The following ACOT1 variants were observed in gnomAD, a reference collection of about 807,000 sequenced individuals.
The protein encoded by ACOT1 is acyl-CoA thioesterase 1.
Under a neutral mutation model 15.7 loss-of-function variants are expected in ACOT1, and 8 were observed. The observed-to-expected ratio is 0.51, with a 90% CI of 0.30 to 0.92. The LOEUF (loss-of-function observed/expected upper bound fraction) is 0.92. ACOT1 is among the 40% of genes least tolerant of loss of function. The pLI, the probability that ACOT1 is intolerant of heterozygous loss-of-function variation, is 0.06. For missense variants in ACOT1, 151 were observed against 539.4 expected (o/e 0.28, Z 7.13); for synonymous variants, 67 against 241.2 (o/e 0.28, Z 6.69).
chr14:73,504,076 C>CTTTTT, the ACOT1 span, among the ~76,000 whole-genome samples: 1 of 127,758 alleles, frequency 7.8e-6, no homozygotes, highest in Non-Finnish European at 1.7e-5. Flanking sequence ...TTTTGCATTT[C>CTTTTT]TTTTTTTTTT....
chr14:73,509,423 C>A, the ACOT1 span: 1 of 1,613,976 alleles, frequency 6.2e-7, no homozygotes, highest in African/African-American at 1.3e-5. Flanking sequence ...TCACAAAGAG[C>A]AGCCTCTAGG....
the ACOT1 span, chr14:73,519,310 C>T: frequency 1.5e-6 from 1 of 647,214 alleles, no homozygotes; most frequent in African/African-American, 1.8e-5. Context: ...TGGGGCATCC[C>T]TTGAAGGTGA....
the ACOT1 span, among the ~76,000 whole-genome samples, chr14:73,510,742 G>T: frequency 6.6e-6 from 1 of 152,116 alleles, no homozygotes; most frequent in South Asian, 2.1e-4. Context: ...GGCTTTGGCT[G>T]CAGTTCTTGA....
chr14:73,518,339 G>T, the ACOT1 span, among the ~76,000 whole-genome samples: 22 of 151,450 alleles, frequency 1.5e-4, no homozygotes, highest in Admixed American at 1.4e-3. Flanking sequence ...GGAAGATGGA[G>T]GTTGCAGTGA....
At chr14:73,518,418 A>G in the ACOT1 span, among the ~76,000 whole-genome samples, 1 of 152,154 alleles carries the variant, frequency 6.6e-6, no homozygotes, top group Admixed American at 6.5e-5. Context: ...AAAAGAAAAA[A>G]AAAAAAAAGG....
At chr14:73,521,265 A>C in the ACOT1 span, among the ~76,000 whole-genome samples, 1 of 152,060 alleles carries the variant, frequency 6.6e-6, no homozygotes, top group Non-Finnish European at 1.5e-5. Flanking sequence ...CTACTAAAGG[A>C]TCCATGCCTT....
chr14:73,495,061 CAAAAA>C, the ACOT1 span, among the ~76,000 whole-genome samples: 2 of 149,522 alleles, frequency 1.3e-5, no homozygotes, highest in South Asian at 4.2e-4. Flanking sequence ...AACAAACAAA[CAAAAA>C]AAAAACACAA....
the ACOT1 span, among the ~76,000 whole-genome samples, chr14:73,526,243 A>G: frequency 1.3e-5 from 2 of 152,136 alleles, no homozygotes; most frequent in African/African-American, 4.8e-5. Flanking sequence ...ACACATTTAG[A>G]TCAGCTCTGG....
the ACOT1 span, chr14:73,523,178 C>T: frequency 5.8e-6 from 9 of 1,543,772 alleles, no homozygotes; most frequent in Non-Finnish European, 7.8e-6. Context: ...ATGCTTCCTT[C>T]CACACTGCCT....
Position 73,537,743 on chromosome 14 carries a change from G to A in ACOT1, c.322G>A (p.Val108Met), listed in dbSNP as rs781438917. 5.9e-5 allele frequency: 73 copies of A among 1,244,230 alleles called. 22 individuals carry two copies. The highest frequency in any genetic ancestry group is 3.4e-4 in the Admixed American group (14 of 40,918). The allele number at this position is 1,244,230 out of a possible 1,614,324, so 77.1% of individuals were successfully genotyped here. Residue 108 changes from valine to methionine, a missense_variant, in exon 1 of 3, where the codon GTG becomes ATG. Coordinates refer to ENST00000311148, the MANE Select transcript of ACOT1 (RefSeq NM_001037161.2). ...AACGCCCTTGGCCGTGGAGCTGGAG[G>A]TGCTGGATGGCCACGACCCCGACCC... ...VRTPLAVELE[V>M]LDGHDPDPGR...
chr14:73,492,078 G>A, the ACOT1 span: 11 of 1,614,000 alleles, frequency 6.8e-6, no homozygotes, highest in Non-Finnish European at 9.3e-6. This position sits in a 1 kb window ranked among gnomAD's most constrained non-coding sequence, Gnocchi z 4.9. Context: ...CTGGAAGGTA[G>A]GAAACTCTGG....
chr14:73,506,802 C>CTTTTTTTTTTTTTTTTTTTTTTTTT, the ACOT1 span, among the ~76,000 whole-genome samples: 8 of 58,050 alleles, frequency 1.4e-4, no homozygotes, highest in African/African-American at 5.2e-4. Context: ...CTGACTTTAA[C>CTTTTTTTTTTTTTTTTTTTTTTTTT]TGTTTTTTTT....
At chr14:73,501,902 C>T in the ACOT1 span, among the ~76,000 whole-genome samples, 10 of 151,842 alleles carry the variant, frequency 6.6e-5, no homozygotes, top group Admixed American at 6.6e-4. Context: ...TACAGGCGCC[C>T]GCCACCACGC....
At chr14:73,515,514 T>C in the ACOT1 span, among the ~76,000 whole-genome samples, 1 of 151,858 alleles carries the variant, frequency 6.6e-6, no homozygotes, top group African/African-American at 2.4e-5. Flanking sequence ...ACCCTGTCTC[T>C]ACTAAAAATA....
chr14:73,534,298 G>C (rs1480714154), upstream of ACOT1, among the ~76,000 whole-genome samples: 1 of 109,546 alleles, frequency 9.1e-6, no homozygotes, highest in Non-Finnish European at 2.0e-5. Flanking sequence ...TGAATCACTG[G>C]AACCCGGGAG....
At chr14:73,495,234 A>C in the ACOT1 span, 1 of 1,613,098 alleles carries the variant, frequency 6.2e-7, no homozygotes, top group East Asian at 2.2e-5. Context: ...CTACCCTGAA[A>C]AGTTTCTTGG....
the ACOT1 span, chr14:73,491,345 C>G: frequency 6.9e-7 from 1 of 1,441,502 alleles, no homozygotes; most frequent in African/African-American, 1.5e-5. Flanking sequence ...GGAGGCCTCG[C>G]CCGCCGCGCG....
intron 1 of ACOT1, among the ~76,000 whole-genome samples, chr14:73,540,675 G>A (rs1255788702): frequency 2.5e-5 from 3 of 121,116 alleles, no homozygotes; most frequent in Non-Finnish European, 3.6e-5. Flanking sequence ...TCTGTGGGAC[G>A]TTGATGGTTT....
chr14:73,518,557 G>T, the ACOT1 span, among the ~76,000 whole-genome samples: 1 of 152,130 alleles, frequency 6.6e-6, no homozygotes, highest in Non-Finnish European at 1.5e-5. Flanking sequence ...TAATTTCTTG[G>T]TCACCTTCTT....
Sources: allele counts gnomAD v4.1 joint callset (sites outside exome capture counted in the v4.1 genomes callset), GRCh38; gene constraint gnomAD v4.1.1; non-coding constraint Gnocchi (gnomAD v3.1); transcripts MANE v1.5; gene names NCBI Gene and HGNC (gene_info 2026-07-23, HGNC 2026-07-21).